The following LOXHD1 variants were observed in gnomAD, a reference collection of about 807,000 sequenced individuals.
The protein encoded by LOXHD1 is lipoxygenase homology PLAT domains 1, also known as lipoxygenase homology domain-containing protein 1.
Under a neutral mutation model 248.2 loss-of-function variants are expected in LOXHD1, and 205 were observed. The ratio of observed to expected loss-of-function variants is 0.83; its 90% CI spans 0.74 to 0.93. The LOEUF (loss-of-function observed/expected upper bound fraction) is 0.93. Among genes scored for constraint, LOXHD1 ranks in the 40% least tolerant of loss-of-function variants. LOXHD1 has a pLI of 0.00. For synonymous variants in LOXHD1, 1,113 were observed against 1,162.8 expected (o/e 0.96, Z 0.87); for missense variants, 2,930 against 2,971.6 (o/e 0.99, Z 0.33).
At position 46,641,953 on chromosome 18, in the gene LOXHD1, C is replaced by T; in HGVS notation, c.326+3G>A. The T allele has an allele frequency of 6.4e-7, 1 of 1,551,544 alleles. No individual in the cohort carries two copies. The highest frequency in any genetic ancestry group is 8.7e-7 in the Non-Finnish European group (1 of 1,146,574). On this transcript the variant is annotated splice_donor_region_variant and intron_variant, in intron 3 of 40. Transcript: ENST00000642948. ...CAATCCTAGTCAGGCGCCAGCTTCT[C>T]ACCTGACTTTATAGATGAGGCCCAC...
chr18:46,623,861 G>A (rs1471231314), intron 4 of LOXHD1, among the ~76,000 whole-genome samples: 2 of 152,246 alleles, frequency 1.3e-5, no homozygotes, highest in Non-Finnish European at 2.9e-5. Flanking sequence ...GAGCCATGAG[G>A]GGGCCGGGCC....
At position 46,560,448 on chromosome 18, in the gene LOXHD1, CG is replaced by C. The variant is rs1568185553; in HGVS notation, c.2695del (p.Arg899GlyfsTer34). ...PSWFVDTVWL[R>X]HLVVREVDLT... Reference sequence around the variant, plus strand: ...GTCCACCTCCCGCACCACCAGGTGCCGCAGCCACACGGTGTCCACGAACCAG... The same window carrying C: ...GTCCACCTCCCGCACCACCAGGTGCCCAGCCACACGGTGTCCACGAACCAG... On this transcript the variant is annotated frameshift_variant, in exon 19 of 41. Transcript: ENST00000642948. LOFTEE classifies it high-confidence loss of function. The C allele has an allele frequency of 1.9e-6, 3 of 1,543,652 alleles. No homozygotes were observed. The South Asian group carries it at 3.6e-5, about 18-fold the overall frequency.
At chr18:46,639,207 C>G (rs2038931352) in intron 4 of LOXHD1, among the ~76,000 whole-genome samples, 1 of 152,298 alleles carries the variant, frequency 6.6e-6, no homozygotes, top group Admixed American at 6.5e-5. Context: ...GATTCCTACC[C>G]ACTATGCCTT....
At chr18:46,559,152 G>A in intron 20 of LOXHD1, 1 of 1,389,836 alleles carries the variant, frequency 7.2e-7, no homozygotes, top group Non-Finnish European at 9.5e-7. Context: ...ACTTCCTCTT[G>A]AACCCCCGCA....
chr18:46,641,907 C>A, intron 3 of LOXHD1, 49 bp downstream of exon 3: 1 of 1,504,756 alleles, frequency 6.6e-7, no homozygotes, highest in Non-Finnish European at 9.0e-7. Context: ...GAAGTCAATC[C>A]CTCACTTTCA....
intron 7 of LOXHD1, among the ~76,000 whole-genome samples, chr18:46,602,796 G>A (rs2144289863): frequency 6.6e-6 from 1 of 151,826 alleles, no homozygotes; most frequent in Middle Eastern, 3.4e-3. Flanking sequence ...AAAAAAATAG[G>A]TCTCGAGCTT....
intron 18 of LOXHD1, among the ~76,000 whole-genome samples, chr18:46,562,853 A>C (rs556740093): frequency 6.6e-6 from 1 of 152,302 alleles, no homozygotes; most frequent in East Asian, 1.9e-4. Context: ...TGACTGTAAC[A>C]TGAGGCCAGG....
intron 3 of LOXHD1, among the ~76,000 whole-genome samples, chr18:46,640,616 T>C (rs941288125): frequency 3.3e-5 from 5 of 152,244 alleles, no homozygotes; most frequent in African/African-American, 1.2e-4. Flanking sequence ...TAAAAATGTA[T>C]TAATGAGCTA....
chr18:46,642,088 G>A (rs1275560437), intron 2 of LOXHD1, 52 bp from the exon 3 acceptor site: 2 of 1,500,656 alleles, frequency 1.3e-6, no homozygotes, highest in Admixed American at 2.0e-5. Flanking sequence ...TCACAGGCCT[G>A]GGAGGAGAGC....
chr18:46,506,137 T>C, intron 36 of LOXHD1, 114 bp from the exon 37 acceptor site: 1 of 1,163,912 alleles, frequency 8.6e-7, no homozygotes, highest in Non-Finnish European at 1.2e-6. Context: ...GTGGACAGAG[T>C]ACAGACTCAA....
Position 46,534,296 on chromosome 18 carries a change from G to A in LOXHD1, c.4212+39C>T, listed in dbSNP as rs1042044327. On this transcript the variant is annotated intron_variant, in intron 27 of 40. Coordinates refer to ENST00000642948, the MANE Select transcript of LOXHD1 (RefSeq NM_001384474.1). ...TTGCCTTGAACCTGCTCTGGAAAGG[G>A]ACAAAAGAAACAGCAGGACAGACCA... 1.4e-5 allele frequency: 21 copies of A among 1,458,602 alleles called. No homozygotes were observed. In the Admixed American group the frequency reaches 3.9e-4, roughly 27 times the overall value. The allele number at this position is 1,458,602 out of a possible 1,614,324, so 90.4% of individuals were successfully genotyped here.
At chr18:46,548,871 C>G (rs974960817) in intron 21 of LOXHD1, among the ~76,000 whole-genome samples, 2 of 152,146 alleles carry the variant, frequency 1.3e-5, no homozygotes, top group East Asian at 1.9e-4. Flanking sequence ...TTTCCTGGAG[C>G]AAAATCTCCA....
At chr18:46,533,453 A>G (rs2036165957) in intron 27 of LOXHD1, 129 bp from the exon 28 acceptor site, 1 of 918,936 alleles carries the variant, frequency 1.1e-6, no homozygotes, top group South Asian at 1.8e-5. Flanking sequence ...TGTAAAAGCC[A>G]CAGGAGAGCC....
intron 4 of LOXHD1, among the ~76,000 whole-genome samples, chr18:46,629,872 G>A (rs1014759540): frequency 6.6e-6 from 1 of 151,322 alleles, no homozygotes; most frequent in Non-Finnish European, 1.5e-5. Context: ...AGATGTAAAC[G>A]TCATCCACCC....
intron 14 of LOXHD1, among the ~76,000 whole-genome samples, chr18:46,573,359 C>G (rs2037793169): frequency 6.6e-6 from 1 of 152,184 alleles, no homozygotes; most frequent in South Asian, 2.1e-4. Flanking sequence ...CCTGAGAAAT[C>G]AATCATGCAA....
At chr18:46,501,752 C>G (rs2034246150) in intron 37 of LOXHD1, among the ~76,000 whole-genome samples, 1 of 151,972 alleles carries the variant, frequency 6.6e-6, no homozygotes, top group East Asian at 1.9e-4. Context: ...TAGGGCATAA[C>G]TACCGTGAAT....
At position 46,618,195 on chromosome 18, in the gene LOXHD1, T is replaced by C; in HGVS notation, c.607A>G (p.Thr203Ala). ...AAAAATAATTCAAACCCATTACCTG[T>C]GTCTCCATACTCTCCAAAAATATTG... ...FINIFGEYGD[T>A]GERRLENEKD... The change falls in exon 5 of 41, where the codon ACA (threonine) becomes GCA (alanine). Residue 203 changes from threonine to alanine, a missense_variant. By Grantham distance (58) the Thr-to-Ala change is moderately conservative. Coordinates refer to ENST00000642948, the MANE Select transcript of LOXHD1 (RefSeq NM_001384474.1). The C allele has an allele frequency of 6.5e-7, 1 of 1,549,648 alleles. No homozygotes were observed. The highest frequency in any genetic ancestry group is 8.7e-7 in the Non-Finnish European group (1 of 1,145,288).
At chr18:46,557,760 G>A in intron 20 of LOXHD1, 1 of 938,144 alleles carries the variant, frequency 1.1e-6, no homozygotes. Flanking sequence ...GACCTTGAGA[G>A]GCAGAAGAGA....
chr18:46,551,690 T>TGATATCACAATCTTGTAAAAA (rs947737920), intron 21 of LOXHD1, among the ~76,000 whole-genome samples: 4 of 152,156 alleles, frequency 2.6e-5, no homozygotes, highest in Non-Finnish European at 4.4e-5. Context: ...TAAAATTTTC[T>TGATATCACAATCTTGTAAAAA]GATATCACAA....
Sources: gnomAD v4.1 joint callset for allele counts (sites outside exome capture counted in the v4.1 genomes callset) on GRCh38, gnomAD v4.1.1 for gene constraint, MANE v1.5 for transcripts, NCBI Gene and HGNC (gene_info 2026-07-23, HGNC 2026-07-21) for gene names.